The following TNFSF4 variants were observed in gnomAD, a reference collection of about 807,000 sequenced individuals.
The protein encoded by TNFSF4 is TNF superfamily member 4.
TNFSF4 carries 4 observed loss-of-function variants against 7.3 expected under a neutral mutation model. The ratio of observed to expected loss-of-function variants is 0.55; its 90% CI spans 0.27 to 1.25. The LOEUF (loss-of-function observed/expected upper bound fraction) is 1.25. Among genes scored for constraint, TNFSF4 ranks in the 50% most tolerant of loss-of-function variants. The pLI is 0.12. For missense variants in TNFSF4, 181 were observed against 208.8 expected (o/e 0.87, Z 0.82); for synonymous variants, 76 against 83.7 (o/e 0.91, Z 0.50).
chr1:173,403,701 A>G, the TNFSF4 span, among the ~76,000 whole-genome samples: 1 of 152,222 alleles, frequency 6.6e-6, no homozygotes, highest in African/African-American at 2.4e-5. Flanking sequence ...CAGGAGTTCA[A>G]GACAAGCCTG....
the TNFSF4 span, among the ~76,000 whole-genome samples, chr1:173,323,976 G>C: frequency 7.9e-5 from 12 of 152,180 alleles, no homozygotes; most frequent in Non-Finnish European, 1.5e-4. Context: ...AATCGAGCAA[G>C]GCAGGCCAAC....
the TNFSF4 span, among the ~76,000 whole-genome samples, chr1:173,312,809 C>A: frequency 6.6e-6 from 1 of 152,074 alleles, no homozygotes; most frequent in Non-Finnish European, 1.5e-5. Context: ...CACAGGGCCC[C>A]CAACCAGCAC....
chr1:173,271,046 A>C, the TNFSF4 span, among the ~76,000 whole-genome samples: 1 of 152,156 alleles, frequency 6.6e-6, no homozygotes, highest in African/African-American at 2.4e-5. Flanking sequence ...TATTTAGTCC[A>C]TCCTTAAAGA....
At chr1:173,241,660 A>G in the TNFSF4 span, among the ~76,000 whole-genome samples, 1 of 152,216 alleles carries the variant, frequency 6.6e-6, no homozygotes, top group African/African-American at 2.4e-5. Flanking sequence ...ATATACTTAC[A>G]GGCTGAGGGA....
At chr1:173,378,003 A>C in the TNFSF4 span, among the ~76,000 whole-genome samples, 1 of 152,176 alleles carries the variant, frequency 6.6e-6, no homozygotes, top group Non-Finnish European at 1.5e-5. Context: ...ATTTTCGAGA[A>C]TGTGTCAGTA....
Position 173,186,762 on chromosome 1 carries a change from G to A in TNFSF4, c.306C>T (p.Leu102=). 6.2e-7 allele frequency: 1 copy of A among 1,614,126 alleles called. No homozygotes were observed. Among genetic ancestry groups the A allele is most frequent in the Non-Finnish European group, 8.5e-7 (1 of 1,179,984 alleles). Residue 102 remains leucine (L), a synonymous_variant, in exon 3 of 3, where the codon CTC becomes CTT. Coordinates refer to ENST00000281834, the MANE Select transcript of TNFSF4 (RefSeq NM_003326.5). ...GGGAGAAGTAGCCCTTCAGGGAGATGAGATAAAACCCATCACAGTTGATGA... is the reference window on the plus strand; with the variant it reads ...GGGAGAAGTAGCCCTTCAGGGAGATAAGATAAAACCCATCACAGTTGATGA... ...SVIINCDGFY[L]ISLKGYFSQE...
the TNFSF4 span, among the ~76,000 whole-genome samples, chr1:173,421,200 C>T: frequency 2.6e-5 from 4 of 152,158 alleles, no homozygotes; most frequent in Admixed American, 6.5e-5. Context: ...ATATGTCCCA[C>T]GCACCATTAG....
At chr1:173,233,516 A>G in the TNFSF4 span, among the ~76,000 whole-genome samples, 1 of 152,182 alleles carries the variant, frequency 6.6e-6, no homozygotes, top group Non-Finnish European at 1.5e-5. Flanking sequence ...CAACTCCAAG[A>G]CACATAATTG....
chr1:173,307,409 TGTC>T, the TNFSF4 span, among the ~76,000 whole-genome samples: 10 of 152,006 alleles, frequency 6.6e-5, no homozygotes, highest in South Asian at 2.1e-3. Context: ...AATGTGTCAA[TGTC>T]GTGAATGACA....
the TNFSF4 span, among the ~76,000 whole-genome samples, chr1:173,250,678 C>T: frequency 6.6e-6 from 1 of 152,132 alleles, no homozygotes; most frequent in South Asian, 2.1e-4. Context: ...CCAGGATGGT[C>T]TCGATCTTCT....
At chr1:173,229,478 A>T in the TNFSF4 span, among the ~76,000 whole-genome samples, 1 of 152,244 alleles carries the variant, frequency 6.6e-6, no homozygotes, top group African/African-American at 2.4e-5. Flanking sequence ...CTGCAAAAAC[A>T]TGCCAAATTG....
downstream of TNFSF4, chr1:173,183,584 A>G (rs556692436): frequency 6.6e-6 from 1 of 152,300 alleles, no homozygotes; most frequent in African/African-American, 2.4e-5. Flanking sequence ...TTGCCACCTC[A>G]ACCATCCCTC....
chr1:173,262,793 G>T, the TNFSF4 span, among the ~76,000 whole-genome samples: 9 of 151,846 alleles, frequency 5.9e-5, no homozygotes, highest in Non-Finnish European at 1.5e-5. Context: ...TAGTAGACAG[G>T]GTTTCACCGT....
At chr1:173,253,906 T>C in the TNFSF4 span, among the ~76,000 whole-genome samples, 2 of 152,354 alleles carry the variant, frequency 1.3e-5, no homozygotes, top group Non-Finnish European at 1.5e-5. Context: ...GCCAGCAGTC[T>C]ATCTTCCCAG....
At chr1:173,293,484 C>T in the TNFSF4 span, among the ~76,000 whole-genome samples, 1 of 152,066 alleles carries the variant, frequency 6.6e-6, no homozygotes, top group Non-Finnish European at 1.5e-5. Context: ...AAATTAAAGA[C>T]TTAAATTTAA....
the TNFSF4 span, among the ~76,000 whole-genome samples, chr1:173,324,600 C>T: frequency 5.9e-5 from 9 of 152,206 alleles, no homozygotes; most frequent in South Asian, 2.1e-4. Context: ...CCCATCAGTG[C>T]GCTATATTCA....
the TNFSF4 span, among the ~76,000 whole-genome samples, chr1:173,286,664 C>T: frequency 6.6e-6 from 1 of 152,014 alleles, no homozygotes; most frequent in Admixed American, 6.6e-5. Flanking sequence ...ATAAAAGAAT[C>T]TCTTTCTGAA....
chr1:173,197,949 A>G (rs1649776121), intron 1 of TNFSF4, among the ~76,000 whole-genome samples: 1 of 152,234 alleles, frequency 6.6e-6, no homozygotes, highest in African/African-American at 2.4e-5. Context: ...CCAGTACCAA[A>G]TCAAATTATA....
intron 1 of TNFSF4, among the ~76,000 whole-genome samples, chr1:173,203,943 T>C (rs1650058519): frequency 6.6e-6 from 1 of 152,160 alleles, no homozygotes; most frequent in Non-Finnish European, 1.5e-5. Context: ...AAACAGTGTG[T>C]ATTGGTTTTG....
Sources: gnomAD v4.1 joint callset for allele counts (sites outside exome capture counted in the v4.1 genomes callset) on GRCh38, gnomAD v4.1.1 for gene constraint, MANE v1.5 for transcripts, NCBI Gene and HGNC (gene_info 2026-07-23, HGNC 2026-07-21) for gene names.